CRACD: variants seen among roughly 807,000 people sequenced by gnomAD.
The protein encoded by CRACD is capping protein inhibiting regulator of actin dynamics.
CRACD carries 56 observed loss-of-function variants against 106.8 expected under a neutral mutation model. The observed-to-expected ratio is 0.52, with a 90% CI of 0.42 to 0.66. The LOEUF (loss-of-function observed/expected upper bound fraction) is 0.66, where lower values mean the gene tolerates loss of function less well. Among genes scored for constraint, CRACD ranks in the 30% least tolerant of loss-of-function variants. CRACD has a pLI of 0.00. For missense variants in CRACD, 1,730 were observed against 1,623.2 expected (o/e 1.07, Z -1.13); for synonymous variants, 754 against 670.8 (o/e 1.12, Z -1.92).
intron 2 of CRACD, among the ~76,000 whole-genome samples, chr4:56,206,937 A>G (rs1738149480): frequency 6.6e-6 from 1 of 152,202 alleles, no homozygotes; most frequent in Non-Finnish European, 1.5e-5. Context: ...GGAGATGGCT[A>G]CATGCAAACA....
At chr4:56,072,126 T>C (rs1038149718) in intron 1 of CRACD, among the ~76,000 whole-genome samples, 6 of 84,986 alleles carry the variant, frequency 7.1e-5, no homozygotes, top group Non-Finnish European at 1.3e-4. Context: ...AGACTCCGTC[T>C]CAAAAAAAAA....
intron 10 of CRACD, among the ~76,000 whole-genome samples, chr4:56,325,778 G>T (rs1434875334): frequency 2.0e-5 from 3 of 152,136 alleles, no homozygotes; most frequent in Non-Finnish European, 2.9e-5. Flanking sequence ...TCCCCAAAGG[G>T]CGTCTAATCT....
chr4:56,141,739 G>C (rs371297040), intron 1 of CRACD, among the ~76,000 whole-genome samples: 2 of 119,726 alleles, frequency 1.7e-5, no homozygotes, highest in African/African-American at 6.6e-5. Flanking sequence ...TATCACCCAC[G>C]CTGGGGTGCA....
Position 56,292,468 on chromosome 4 carries a change from TTTGAAGCCTTCAAG to T in CRACD, c.-16-5745_-16-5732del, listed in dbSNP as rs559141121. On this transcript the variant is annotated intron_variant, in intron 3 of 10. Transcript: ENST00000682029. ...ATTGAAGTGATGTGCTTCTTTGCTG[TTTGAAGCCTTCAAG>T]AAGATCAGGTGAGTCCTCTCTGGAA... is the stretch of plus-strand genomic sequence containing the variant. Among the ~76,000 whole-genome samples the T allele has an allele frequency of 4.7e-3, 713 of 152,286 alleles. 2 individuals are homozygous for T. The highest frequency in any genetic ancestry group is 6.8e-3 in the Non-Finnish European group (463 of 68,018).
chr4:56,209,879 C>A (rs933305987), intron 2 of CRACD, among the ~76,000 whole-genome samples: 1 of 152,128 alleles, frequency 6.6e-6, no homozygotes, highest in African/African-American at 2.4e-5. Context: ...CACGCAGCAT[C>A]CAAGGTGGCT....
chr4:56,306,713 T>C (rs1744734815), intron 4 of CRACD, among the ~76,000 whole-genome samples: 1 of 152,186 alleles, frequency 6.6e-6, no homozygotes, highest in African/African-American at 2.4e-5. Flanking sequence ...TTCCTCTACT[T>C]GCAAATACTA....
At chr4:56,137,827 C>T (rs947051344) in intron 1 of CRACD, among the ~76,000 whole-genome samples, 2 of 152,182 alleles carry the variant, frequency 1.3e-5, no homozygotes, top group African/African-American at 4.8e-5. Flanking sequence ...CACTGCAGCT[C>T]AGGCAATAGA....
intron 3 of CRACD, among the ~76,000 whole-genome samples, chr4:56,272,718 C>T (rs1179001763): frequency 6.6e-6 from 1 of 151,926 alleles, no homozygotes; most frequent in Non-Finnish European, 1.5e-5. Context: ...TGGGGAAACC[C>T]CGTTTCTACT....
chr4:56,222,967 T>G (rs1009054745), intron 2 of CRACD, among the ~76,000 whole-genome samples: 2 of 150,054 alleles, frequency 1.3e-5, no homozygotes, highest in Non-Finnish European at 3.0e-5. Context: ...AGAACAAGAC[T>G]CCGTCTCAAA....
chr4:56,109,223 G>GT (rs1259981828), intron 1 of CRACD, among the ~76,000 whole-genome samples: 1 of 152,138 alleles, frequency 6.6e-6, no homozygotes, highest in Non-Finnish European at 1.5e-5. Flanking sequence ...TTATTCCTAG[G>GT]TTATATTAGT....
chr4:56,263,690 C>A (rs1416619097), intron 2 of CRACD, among the ~76,000 whole-genome samples: 1 of 152,000 alleles, frequency 6.6e-6, no homozygotes, highest in Non-Finnish European at 1.5e-5. Context: ...GGAGTTAGGA[C>A]CTTAAAATAT....
intron 1 of CRACD, among the ~76,000 whole-genome samples, chr4:56,145,132 A>T (rs752356987): frequency 1.3e-5 from 2 of 152,154 alleles, no homozygotes; most frequent in African/African-American, 4.8e-5. Flanking sequence ...TAGAGCTTAC[A>T]TCCAATTTTC....
chr4:56,261,630 A>G (rs625412), intron 2 of CRACD, among the ~76,000 whole-genome samples: 37,395 of 151,882 alleles, frequency 0.25, 4,688 homozygotes, highest in Non-Finnish European at 0.27. Context: ...AATTACAGGC[A>G]TGAGCCACCA....
In CRACD at chr4:56,247,501, A is replaced by G. The variant is rs535198359; in HGVS notation, c.-188-24820A>G. On this transcript the variant is annotated intron_variant, in intron 2 of 10. Transcript: ENST00000682029. ...AAGGATCTCTGCCTTCCTCTCTTCC[A>G]GTAGTTGGCAGCCTTCCAATTAATA... Among the ~76,000 whole-genome samples, 5 of 152,256 alleles carry G rather than the reference A, an allele frequency of 3.3e-5. No individual in the cohort carries two copies. In the South Asian group the frequency reaches 1.0e-3, roughly 32 times the overall value.
At chr4:56,139,691 A>T (rs886829028) in intron 1 of CRACD, among the ~76,000 whole-genome samples, 1 of 152,188 alleles carries the variant, frequency 6.6e-6, no homozygotes, top group African/African-American at 2.4e-5. Flanking sequence ...GAGATGATTA[A>T]CATCTACCAT....
chr4:56,324,957 GTAT>G (rs1746333389), intron 10 of CRACD, among the ~76,000 whole-genome samples: 7 of 152,036 alleles, frequency 4.6e-5, no homozygotes, highest in Admixed American at 4.6e-4. Context: ...TACATTATTT[GTAT>G]GTATTAAAAT....
intron 2 of CRACD, among the ~76,000 whole-genome samples, chr4:56,235,599 A>G (rs1739918952): frequency 6.6e-6 from 1 of 152,208 alleles, no homozygotes; most frequent in Non-Finnish European, 1.5e-5. Flanking sequence ...GTACTAATTG[A>G]AAGTCATACG....
rs75279802 is a variant in CRACD, at chr4:56,245,739, T to A, written c.-188-26582T>A. Among the ~76,000 whole-genome samples, 481 of 152,332 alleles carry A rather than the reference T, an allele frequency of 3.2e-3. 3 individuals carry two copies. The highest frequency in any genetic ancestry group is 0.011 in the African/African-American group (455 of 41,582). On this transcript the variant is annotated intron_variant, in intron 2 of 10. Transcript: ENST00000682029. The stretch of plus-strand genomic sequence containing the variant: ...TCAGATACAAGAGCAGAATACCTAA[T>A]GGTACCTTAGTACCTATATTCTGTC...
Position 56,316,606 on chromosome 4 carries a change from C to G in CRACD, c.3104C>G (p.Ala1035Gly). The stretch of plus-strand genomic sequence containing the variant: ...CAGAAGAGGGACGAGGAGGAAGAGG[C>G]GACAGAGAGGAAACCTGCTTCCCCA... ...KGQKRDEEEEATERKPASPPL... is the reference protein window; with the variant it reads ...KGQKRDEEEEGTERKPASPPL... Residue 1035 changes from alanine to glycine, a missense_variant, in exon 8 of 11, where the codon GCG (alanine) becomes GGG (glycine). Coordinates refer to ENST00000682029, the MANE Select transcript of CRACD (RefSeq NM_001393381.1). 1.2e-6 allele frequency: 2 copies of G among 1,613,274 alleles called. No homozygotes were observed. The highest frequency in any genetic ancestry group is 2.2e-5 in the South Asian group (2 of 90,978).
Sources: allele counts gnomAD v4.1 joint callset (sites outside exome capture counted in the v4.1 genomes callset), GRCh38; gene constraint gnomAD v4.1.1; transcripts MANE v1.5; gene names NCBI Gene and HGNC (gene_info 2026-07-23, HGNC 2026-07-21).